FGF12: variants seen among roughly 807,000 people sequenced by gnomAD.
FGF12 encodes fibroblast growth factor 12B.
Under a neutral mutation model 23.6 loss-of-function variants are expected in FGF12, and 14 were observed. The observed-to-expected ratio is 0.59, with a 90% CI of 0.39 to 0.93. FGF12 has a LOEUF of 0.93. Among genes scored for constraint, FGF12 ranks in the 40% least tolerant of loss-of-function variants. The pLI is 0.00. For missense variants in FGF12, 175 were observed against 217.8 expected (o/e 0.80, Z 1.24); for synonymous variants, 62 against 77.3 (o/e 0.80, Z 1.04).
At chr3:192,418,177 T>C (rs981087057) in intron 2 of FGF12, among the ~76,000 whole-genome samples, 5 of 152,142 alleles carry the variant, frequency 3.3e-5, no homozygotes, top group Admixed American at 3.3e-4. Context: ...TAAAGTCTTA[T>C]GTTAATGTTC....
intron 5 of FGF12, among the ~76,000 whole-genome samples, chr3:192,167,377 C>T (rs1032692889): frequency 6.6e-6 from 1 of 151,872 alleles, no homozygotes; most frequent in African/African-American, 2.4e-5. Context: ...GGCAGAAGGG[C>T]AGATCCAGGG....
chr3:192,396,273 A>G lies in FGF12; in HGVS notation c.14-35735T>C, dbSNP rs538840183. On this transcript the variant is annotated intron_variant, in intron 2 of 5. Coordinates refer to ENST00000445105, the MANE Select transcript of FGF12 (RefSeq NM_004113.6). ...ATTATATACTGCCTTACACAAAAGA[A>G]GGCAAGGATTTTCTCAGTATTTCTA... Among the ~76,000 whole-genome samples the G allele has an allele frequency of 2.6e-5, 4 of 152,368 alleles. No homozygotes were observed. In the South Asian group the frequency reaches 8.3e-4, roughly 32 times the overall value.
intron 2 of FGF12, among the ~76,000 whole-genome samples, chr3:192,724,864 A>T (rs192070299): frequency 2.0e-5 from 3 of 152,356 alleles, no homozygotes; most frequent in Admixed American, 2.0e-4. Flanking sequence ...ATTCAAGATT[A>T]AACAGGCCAT....
At chr3:192,237,287 C>T (rs138437166) in intron 4 of FGF12, among the ~76,000 whole-genome samples, 11 of 152,098 alleles carry the variant, frequency 7.2e-5, no homozygotes, top group African/African-American at 1.9e-4. Flanking sequence ...ACATTGGTTT[C>T]GAAGAATCTG....
Position 192,400,392 on chromosome 3 carries a change from T to C in FGF12, c.14-39854A>G, listed in dbSNP as rs1289040975. 4.4e-5 allele frequency among the ~76,000 whole-genome samples: 6 copies of C among 136,708 alleles called. No homozygotes were observed. In the South Asian group the frequency reaches 1.2e-3, roughly 27 times the overall value. The allele number at this position is 136,708 out of a possible 152,430, so 89.7% of individuals were successfully genotyped here. ...TTCTTTTTTTTTTTTTTTTTGAGAC[T>C]GAGTCTCGCCATGTGGCCCGGGCTG... is the stretch of plus-strand genomic sequence containing the variant. On this transcript the variant is annotated intron_variant, in intron 2 of 5. Coordinates refer to ENST00000445105, the MANE Select transcript of FGF12 (RefSeq NM_004113.6).
chr3:192,416,731 T>G (rs927632569), intron 2 of FGF12, among the ~76,000 whole-genome samples: 3 of 152,084 alleles, frequency 2.0e-5, no homozygotes, highest in African/African-American at 7.2e-5. Context: ...CACTTAAAAG[T>G]AATTTTTACA....
At chr3:192,482,828 G>T (rs984616389) in intron 2 of FGF12, among the ~76,000 whole-genome samples, 3 of 151,898 alleles carry the variant, frequency 2.0e-5, no homozygotes, top group African/African-American at 7.3e-5. Flanking sequence ...ATATAAAAAA[G>T]CTTAATAAAA....
At chr3:192,455,235 T>A (rs180900299) in intron 2 of FGF12, among the ~76,000 whole-genome samples, 1 of 152,276 alleles carries the variant, frequency 6.6e-6, no homozygotes, top group East Asian at 1.9e-4. Context: ...GAAATACTGT[T>A]TCGGAGAGGG....
At chr3:192,538,636 A>G (rs1725292420) in intron 2 of FGF12, among the ~76,000 whole-genome samples, 1 of 152,144 alleles carries the variant, frequency 6.6e-6, no homozygotes, top group Admixed American at 6.5e-5. Context: ...GCAGTTCTAT[A>G]TAAATTTTCA....
At chr3:192,358,780 G>T (rs910818859) in intron 3 of FGF12, among the ~76,000 whole-genome samples, 1 of 152,124 alleles carries the variant, frequency 6.6e-6, no homozygotes, top group African/African-American at 2.4e-5. Flanking sequence ...ATGGCTAATC[G>T]TCTTACTTGG....
At chr3:192,347,618 C>T (rs973657494) in intron 3 of FGF12, among the ~76,000 whole-genome samples, 3 of 152,104 alleles carry the variant, frequency 2.0e-5, no homozygotes, top group African/African-American at 7.2e-5. Context: ...GAGGGAAACT[C>T]CAAGTGCACT....
At chr3:192,157,675 T>G (rs1714499971) in intron 5 of FGF12, among the ~76,000 whole-genome samples, 1 of 152,198 alleles carries the variant, frequency 6.6e-6, no homozygotes, top group African/African-American at 2.4e-5. Context: ...AGTTATAAAT[T>G]TCTTCTGAAA....
intron 2 of FGF12, among the ~76,000 whole-genome samples, chr3:192,665,044 G>A (rs1467777317): frequency 6.6e-6 from 1 of 152,136 alleles, no homozygotes; most frequent in Admixed American, 6.5e-5. Flanking sequence ...TGAAAATCCA[G>A]CAAAATCAGG....
intron 2 of FGF12, among the ~76,000 whole-genome samples, chr3:192,677,113 T>C (rs1391765964): frequency 6.6e-6 from 1 of 152,200 alleles, no homozygotes; most frequent in African/African-American, 2.4e-5. Context: ...GCCACAAAGA[T>C]TGCTTGACTT....
At chr3:192,587,931 T>C (rs550534332) in intron 2 of FGF12, among the ~76,000 whole-genome samples, 1 of 151,878 alleles carries the variant, frequency 6.6e-6, no homozygotes, top group African/African-American at 2.4e-5. Flanking sequence ...AGACAAATAA[T>C]ACTTTTATTT....
At chr3:192,159,790 G>A (rs1330848147) in intron 5 of FGF12, among the ~76,000 whole-genome samples, 1 of 152,106 alleles carries the variant, frequency 6.6e-6, no homozygotes, top group Non-Finnish European at 1.5e-5. Context: ...TGAACATAGA[G>A]GCTATAGATG....
rs373588571 is a variant in FGF12 at position 192,408,066 on chromosome 3, C to G, written c.14-47528G>C. The stretch of plus-strand genomic sequence containing the variant: ...CGGCCTCTTGCGGCCGCTGCAGAAG[C>G]GCACTTTGCTGAACACCCCGAGGAC... On this transcript the variant is annotated intron_variant, in intron 2 of 5. Transcript: ENST00000445105. The surrounding 1 kb of genome is among the most constrained non-coding windows in gnomAD (Gnocchi z 7.3). 19 of 1,612,778 alleles carry G rather than the reference C, an allele frequency of 1.2e-5. No homozygotes were observed. The highest frequency in any genetic ancestry group is 1.6e-5 in the Non-Finnish European group (19 of 1,179,888).
chr3:192,509,118 TCTAA>T, intron 2 of FGF12, among the ~76,000 whole-genome samples: 1 of 152,152 alleles, frequency 6.6e-6, no homozygotes, highest in Non-Finnish European at 1.5e-5. Context: ...GACATATTTC[TCTAA>T]CTTTCTAATC....
intron 3 of FGF12, among the ~76,000 whole-genome samples, chr3:192,342,760 G>A (rs1340117564): frequency 3.9e-5 from 6 of 152,072 alleles, no homozygotes; most frequent in Admixed American, 3.9e-4. Context: ...CTGGGTAACG[G>A]GGCAGGGCAT....
Sources: allele counts gnomAD v4.1 joint callset (sites outside exome capture counted in the v4.1 genomes callset), GRCh38; gene constraint gnomAD v4.1.1; non-coding constraint Gnocchi (gnomAD v3.1); transcripts MANE v1.5; gene names NCBI Gene and HGNC (gene_info 2026-07-23, HGNC 2026-07-21).